Variants in IYD observed in about 807,000 individuals in gnomAD.
IYD encodes iodotyrosine deiodinase, also known as iodotyrosine deiodinase 1.
A neutral mutation model predicts 28.4 loss-of-function variants in IYD; 25 were observed. The ratio of observed to expected loss-of-function variants is 0.88; its 90% CI spans 0.64 to 1.23. IYD has a LOEUF of 1.23. IYD is among the 50% of genes most tolerant of loss of function. The pLI, the probability that IYD is intolerant of heterozygous loss-of-function variation, is 0.00. For synonymous variants in IYD, 140 were observed against 130.8 expected, an observed-to-expected ratio of 1.07 and a Z score of -0.48; for missense variants, 352 against 357.9, an observed-to-expected ratio of 0.98 and a Z score of 0.13.
chr6:150,370,732 G>A, intron 1 of IYD: 2 of 886,604 alleles, frequency 2.3e-6, no homozygotes, highest in African/African-American at 1.8e-5. Context: ...TGGAAGGCGT[G>A]GATCAGAGTA....
rs1206871942 is a variant in IYD, at chr6:150,369,226, T to C, written c.178+17T>C. On this transcript the variant is annotated intron_variant, in intron 1 of 4. Coordinates refer to ENST00000344419, the MANE Select transcript of IYD (RefSeq NM_203395.3). Reference sequence around the variant, plus strand: ...CAGAAGAAGGTAAAGACACCAGCTATGCTGCTTAGCTTCGCTGTCGTGTTG... The same window carrying C: ...CAGAAGAAGGTAAAGACACCAGCTACGCTGCTTAGCTTCGCTGTCGTGTTG... The C allele has an allele frequency of 1.9e-6, 3 of 1,609,358 alleles. No homozygotes were observed. Among genetic ancestry groups the C allele is most frequent in the African/African-American group, 2.7e-5 (2 of 74,798 alleles).
At chr6:150,372,073 C>T (rs1777261260) in intron 1 of IYD, among the ~76,000 whole-genome samples, 1 of 152,094 alleles carries the variant, frequency 6.6e-6, no homozygotes, top group Admixed American at 6.5e-5. Context: ...TTGTTGACTG[C>T]AAATAGATAC....
intron 1 of IYD, among the ~76,000 whole-genome samples, chr6:150,371,634 C>CT (rs1395953360): frequency 2.6e-5 from 4 of 152,164 alleles, no homozygotes; most frequent in Non-Finnish European, 5.9e-5. Flanking sequence ...TTGCAAAATG[C>CT]TTTGCCTCTT....
At chr6:150,378,425 C>T (rs898701776) in intron 1 of IYD, among the ~76,000 whole-genome samples, 12 of 151,884 alleles carry the variant, frequency 7.9e-5, no homozygotes, top group East Asian at 1.9e-4. Context: ...TGAGAACATG[C>T]GGTGTTTGGT....
At chr6:150,370,266 T>C (rs1036377273) in intron 1 of IYD, among the ~76,000 whole-genome samples, 4 of 151,076 alleles carry the variant, frequency 2.6e-5, no homozygotes, top group African/African-American at 7.3e-5. Flanking sequence ...TGCGCGTGCA[T>C]GTGAGTGTTC....
intron 2 of IYD, 45 bp from the exon 3 acceptor site, chr6:150,392,300 C>CT: frequency 6.2e-7 from 1 of 1,610,982 alleles, no homozygotes; most frequent in Non-Finnish European, 8.5e-7. Flanking sequence ...CAGTCTCACA[C>CT]TTTCCTGCAG....
At chr6:150,383,793 T>A (rs1259432367) in intron 1 of IYD, among the ~76,000 whole-genome samples, 38 of 57,236 alleles carry the variant, frequency 6.6e-4, no homozygotes, top group Admixed American at 1.5e-3. Flanking sequence ...ACCAAGTCTC[T>A]AAAAAAAAAA....
chr6:150,378,414 G>A (rs1227893795), intron 1 of IYD, among the ~76,000 whole-genome samples: 1 of 151,624 alleles, frequency 6.6e-6, no homozygotes, highest in African/African-American at 2.4e-5. Context: ...CCACCTATAA[G>A]TGAGAACATG....
In IYD at chr6:150,403,896, G is replaced by A. The variant is rs1778577875; in HGVS notation, c.*5659G>A. The A allele has an allele frequency of 1.3e-5, 2 of 152,164 alleles. No homozygotes were observed. The highest frequency in any genetic ancestry group is 4.1e-4 in the South Asian group (2 of 4,832). 9.4% of individuals were successfully genotyped at this position (152,164 alleles called of 1,614,324 possible). A position where few individuals can be genotyped will look rare whatever the true frequency, so the allele number is the denominator to read the frequency against. On this transcript the variant is annotated 3_prime_UTR_variant, in exon 5 of 5. Coordinates refer to ENST00000344419, the MANE Select transcript of IYD (RefSeq NM_203395.3). ...ACGCAAAAGCCAATGAGATCATAAAGGAAGTTGTTAGCTAACCTAGGTGGA... is the reference window on the plus strand; with the variant it reads ...ACGCAAAAGCCAATGAGATCATAAAAGAAGTTGTTAGCTAACCTAGGTGGA...
At chr6:150,389,827 C>T (rs1287733157) in intron 2 of IYD, among the ~76,000 whole-genome samples, 2 of 152,134 alleles carry the variant, frequency 1.3e-5, no homozygotes, top group South Asian at 2.1e-4. Context: ...TTTCTGATCA[C>T]ATCATTATAT....
chr6:150,371,507 A>G (rs550342482), intron 1 of IYD, among the ~76,000 whole-genome samples: 55 of 152,312 alleles, frequency 3.6e-4, no homozygotes, highest in African/African-American at 1.3e-3. Flanking sequence ...AGGTTTGAGG[A>G]CACAGGAGAG....
At chr6:150,370,041 T>C (rs1421244478) in intron 1 of IYD, 2 of 702,076 alleles carry the variant, frequency 2.8e-6, no homozygotes, top group South Asian at 3.0e-5. Flanking sequence ...TGGAGGAAGC[T>C]TGAGCCATCT....
chr6:150,373,363 A>G (rs1463110079), intron 1 of IYD, among the ~76,000 whole-genome samples: 1 of 152,218 alleles, frequency 6.6e-6, no homozygotes, highest in Admixed American at 6.5e-5. Context: ...CAAGCTAACC[A>G]ATCAGTGTCA....
intron 1 of IYD, among the ~76,000 whole-genome samples, chr6:150,375,475 C>T (rs886908671): frequency 1.3e-5 from 2 of 152,282 alleles, no homozygotes; most frequent in South Asian, 2.1e-4. Flanking sequence ...GCCTTATGAT[C>T]GTGATGGATA....
At chr6:150,369,923 G>A (rs1582760296) in intron 1 of IYD, 2 of 700,694 alleles carry the variant, frequency 2.9e-6, no homozygotes, top group Non-Finnish European at 5.2e-6. Context: ...GGAGAATTGA[G>A]GGTGGAGGGA....
chr6:150,405,037 T>G lies in IYD; in HGVS notation c.*6800T>G, dbSNP rs1468112958. Reference sequence around the variant, plus strand: ...AAATATTCAGTACATATTGAATGTGTGCAGAAATATATCTCAATCTAGTCA... The same window carrying G: ...AAATATTCAGTACATATTGAATGTGGGCAGAAATATATCTCAATCTAGTCA... On this transcript the variant is annotated 3_prime_UTR_variant, in exon 5 of 5. Transcript: ENST00000344419. The G allele has an allele frequency of 6.6e-6, 1 of 152,220 alleles. No homozygotes were observed. The highest frequency in any genetic ancestry group is 1.5e-5 in the Non-Finnish European group (1 of 68,046). 9.4% of individuals were successfully genotyped at this position (152,220 alleles called of 1,614,324 possible).
At chr6:150,372,969 C>A (rs865850444) in intron 1 of IYD, among the ~76,000 whole-genome samples, 4 of 152,046 alleles carry the variant, frequency 2.6e-5, no homozygotes, top group Non-Finnish European at 1.5e-5. Flanking sequence ...AAAATCCTAC[C>A]CACAAATCCT....
intron 1 of IYD, chr6:150,370,139 CAG>C (rs1294019764): frequency 4.5e-6 from 3 of 673,386 alleles, no homozygotes; most frequent in Non-Finnish European, 8.1e-6. Flanking sequence ...CATCCCCAAA[CAG>C]AGGCCACCTG....
Position 150,371,491 on chromosome 6 carries a change from C to A in IYD, c.178+2282C>A, listed in dbSNP as rs1207112868. Among the ~76,000 whole-genome samples, 4 of 152,170 alleles carry A rather than the reference C, an allele frequency of 2.6e-5. No individual in the cohort carries two copies. In the South Asian group the frequency reaches 6.2e-4, roughly 24 times the overall value. ...AAGGAAAGGCCACTGGATTTGAAGA[C>A]CCAAGAGGTTTGAGGACACAGGAGA... On this transcript the variant is annotated intron_variant, in intron 1 of 4. Coordinates refer to ENST00000344419, the MANE Select transcript of IYD (RefSeq NM_203395.3).
Sources: allele counts gnomAD v4.1 joint callset (sites outside exome capture counted in the v4.1 genomes callset), GRCh38; gene constraint gnomAD v4.1.1; transcripts MANE v1.5; gene names NCBI Gene and HGNC (gene_info 2026-07-23, HGNC 2026-07-21).